Variants in RGS6 observed in about 807,000 individuals in gnomAD.
The protein encoded by RGS6 is regulator of G-protein signaling 6.
In RGS6, 30 loss-of-function variants were observed where a neutral mutation model predicts 78.5. The ratio of observed to expected loss-of-function variants is 0.38; its 90% CI spans 0.29 to 0.52. RGS6 has a LOEUF of 0.52. Among genes scored for constraint, RGS6 ranks in the 20% least tolerant of loss-of-function variants. The probability of loss-of-function intolerance (pLI) is 0.85; values close to 1 mark genes in which losing one functional copy is unlikely to be tolerated. For synonymous variants in RGS6, 206 were observed against 206.0 expected (o/e 1.00, Z 0.00); for missense variants, 495 against 609.7 (o/e 0.81, Z 1.98).
intron 2 of RGS6, among the ~76,000 whole-genome samples, chr14:72,042,896 G>T (rs937303973): frequency 1.3e-5 from 2 of 152,166 alleles, no homozygotes; most frequent in Non-Finnish European, 2.9e-5. Context: ...GGACATAAAT[G>T]ATTTTAGAAC....
At chr14:71,893,533 T>C in the RGS6 span, among the ~76,000 whole-genome samples, 1 of 152,176 alleles carries the variant, frequency 6.6e-6, no homozygotes. Context: ...AGAGTTTTAT[T>C]GGTGATATCA....
chr14:72,295,088 G>C (rs1004793471), intron 2 of RGS6, among the ~76,000 whole-genome samples: 15 of 151,816 alleles, frequency 9.9e-5, no homozygotes, highest in East Asian at 1.9e-4. Context: ...TCAGGAGATC[G>C]AGACCATCCC....
rs185045109 is a variant in RGS6, at chr14:72,359,142, C to G, written c.184+6948C>G. On this transcript the variant is annotated intron_variant, in intron 3 of 17. Transcript: ENST00000553525. ...GTTTACTGAGGCCTTTCCAGCCATG[C>G]TGTACTGTCTGTCAATTAAACCTCT... 2.4e-3 allele frequency among the ~76,000 whole-genome samples: 361 copies of G among 152,298 alleles called. 1 individual carries two copies. The highest frequency in any genetic ancestry group is 0.01 in the Middle Eastern group (3 of 294).
Position 72,266,128 on chromosome 14 carries a change from C to T in RGS6, c.85-85967C>T, listed in dbSNP as rs952860125. 1.1e-4 allele frequency among the ~76,000 whole-genome samples: 17 copies of T among 152,130 alleles called. No individual in the cohort carries two copies. The East Asian group carries it at 1.9e-3, about 17-fold the overall frequency. On this transcript the variant is annotated intron_variant, in intron 2 of 17. Coordinates refer to ENST00000553525, the MANE Select transcript of RGS6 (RefSeq NM_001204424.2). ...TCAGCTGGGAAATTCTTTTGCTCCTCGCTGTATTGAAGGGGGTCGCTGGAT... is the reference window on the plus strand; with the variant it reads ...TCAGCTGGGAAATTCTTTTGCTCCTTGCTGTATTGAAGGGGGTCGCTGGAT...
At chr14:72,020,002 G>A (rs1451401837) in intron 2 of RGS6, among the ~76,000 whole-genome samples, 1 of 152,216 alleles carries the variant, frequency 6.6e-6, no homozygotes, top group Non-Finnish European at 1.5e-5. Flanking sequence ...GACCTGTCGG[G>A]GAGAGGTTGA....
At chr14:72,246,094 C>G in intron 2 of RGS6, among the ~76,000 whole-genome samples, 1 of 152,166 alleles carries the variant, frequency 6.6e-6, no homozygotes, top group South Asian at 2.1e-4. Context: ...ACCTTATCAT[C>G]AGTGATGTAA....
chr14:72,358,808 G>A (rs1277660137), intron 3 of RGS6, among the ~76,000 whole-genome samples: 1 of 152,188 alleles, frequency 6.6e-6, no homozygotes, highest in Non-Finnish European at 1.5e-5. Context: ...AGGCATCATT[G>A]TGTTTTGAAA....
chr14:72,245,122 G>A (rs538253318), intron 2 of RGS6, among the ~76,000 whole-genome samples: 2 of 152,356 alleles, frequency 1.3e-5, no homozygotes, highest in Admixed American at 6.5e-5. Context: ...CTTTCTACCT[G>A]TCTTAAGTTC....
chr14:72,479,208 A>C (rs892345475), intron 12 of RGS6, among the ~76,000 whole-genome samples: 1 of 152,140 alleles, frequency 6.6e-6, no homozygotes, highest in African/African-American at 2.4e-5. Context: ...GTTGATTCAC[A>C]TCTTTTTTCT....
rs1566863581 is a variant in RGS6, at chr14:71,936,032, A to ATATATACATATATATATATATATATG, written c.-21+3097_-21+3098insCATATATATATATATATATGTATATA. Among the ~76,000 whole-genome samples, 5 of 142,012 alleles carry ATATATACATATATATATATATATATG rather than the reference A, an allele frequency of 3.5e-5. 1 individual carries two copies. Among genetic ancestry groups the ATATATACATATATATATATATATATG allele is most frequent in the Admixed American group, 7.0e-5 (1 of 14,190 alleles). The allele number at this position is 142,012 out of a possible 152,430, so 93.2% of individuals were successfully genotyped here. A position where few individuals can be genotyped will look rare whatever the true frequency, so the allele number is the denominator to read the frequency against. On this transcript the variant is annotated intron_variant, in intron 1 of 17. Coordinates refer to ENST00000553525, the MANE Select transcript of RGS6 (RefSeq NM_001204424.2). Reference sequence around the variant, plus strand: ...ACTAATAGGATATATATATATATATATATATATATGTACATATATATCATA... The same window carrying ATATATACATATATATATATATATATG: ...ACTAATAGGATATATATATATATATATATATACATATATATATATATATATGTATATATATGTACATATATATCATA...
chr14:72,482,414 C>T (rs2096399901), intron 12 of RGS6, among the ~76,000 whole-genome samples: 2 of 152,196 alleles, frequency 1.3e-5, no homozygotes, highest in Admixed American at 1.3e-4. Flanking sequence ...CTGTAGCATA[C>T]CATGTGTATC....
intron 2 of RGS6, among the ~76,000 whole-genome samples, chr14:72,084,301 G>T (rs1418930296): frequency 1.3e-5 from 2 of 152,194 alleles, no homozygotes; most frequent in East Asian, 1.9e-4. Context: ...CAGGAGGTGA[G>T]GCTCAGGTGG....
At chr14:72,394,888 T>C (rs1425306381) in intron 3 of RGS6, among the ~76,000 whole-genome samples, 1 of 152,220 alleles carries the variant, frequency 6.6e-6, no homozygotes, top group African/African-American at 2.4e-5. Context: ...TGTTCAGAGA[T>C]TGCAGTAAAG....
At chr14:72,388,527 A>C (rs1292031300) in intron 3 of RGS6, among the ~76,000 whole-genome samples, 1 of 152,086 alleles carries the variant, frequency 6.6e-6, no homozygotes, top group East Asian at 1.9e-4. Context: ...GTTGCATCTC[A>C]GTTGGTGGGG....
intron 2 of RGS6, among the ~76,000 whole-genome samples, chr14:72,079,392 TAC>T (rs1467252001): frequency 5.9e-5 from 9 of 152,204 alleles, no homozygotes; most frequent in African/African-American, 4.8e-5. Context: ...ACTATTCTTT[TAC>T]AGTTTTATTT....
chr14:71,938,989 C>T (rs1304876734), intron 1 of RGS6, among the ~76,000 whole-genome samples: 4 of 152,198 alleles, frequency 2.6e-5, no homozygotes, highest in Non-Finnish European at 5.9e-5. Context: ...AACTCAAGCA[C>T]CATTGGATCT....
intron 2 of RGS6, among the ~76,000 whole-genome samples, chr14:72,336,643 T>C: frequency 6.6e-6 from 1 of 151,922 alleles, no homozygotes; most frequent in East Asian, 1.9e-4. Flanking sequence ...TGGAAAAAAA[T>C]AATTTCTATG....
At chr14:72,029,704 G>C (rs139183303) in intron 2 of RGS6, among the ~76,000 whole-genome samples, 103 of 152,234 alleles carry the variant, frequency 6.8e-4, no homozygotes, top group Non-Finnish European at 1.2e-3. Context: ...ACCTGCATGT[G>C]ACAAGAAGCA....
At chr14:71,930,159 AT>A (rs1440415594), upstream of RGS6, among the ~76,000 whole-genome samples, 1 of 138,148 alleles carries the variant, frequency 7.2e-6, no homozygotes, top group African/African-American at 2.5e-5. Context: ...ATACACTTAT[AT>A]TTTTCTGTCT....
Sources: gnomAD v4.1 joint callset for allele counts (sites outside exome capture counted in the v4.1 genomes callset) on GRCh38, gnomAD v4.1.1 for gene constraint, MANE v1.5 for transcripts, NCBI Gene and HGNC (gene_info 2026-07-23, HGNC 2026-07-21) for gene names.